Variants in COL28A1 observed in about 807,000 individuals in gnomAD.
COL28A1 encodes the protein collagen type XXVIII alpha 1 chain.
A neutral mutation model predicts 150.2 loss-of-function variants in COL28A1; 161 were observed. The ratio of observed to expected loss-of-function variants is 1.07; its 90% confidence interval spans 0.94 to 1.22. The LOEUF (loss-of-function observed/expected upper bound fraction) is 1.22, where lower values mean the gene tolerates loss of function less well. Among genes scored for constraint, COL28A1 ranks in the 50% most tolerant of loss-of-function variants. The pLI is 0.00. For missense variants in COL28A1, 1,617 were observed against 1,388.3 expected (o/e 1.16, Z -2.62); for synonymous variants, 552 against 469.7 (o/e 1.18, Z -2.26).
intron 27 of COL28A1, among the ~76,000 whole-genome samples, chr7:7,404,255 A>C (rs1783377833): frequency 6.6e-6 from 1 of 152,010 alleles, no homozygotes. Flanking sequence ...TACCCCTCAG[A>C]GGTCAAGGAG....
At chr7:7,360,183 C>T (rs140951245) in intron 34 of COL28A1, among the ~76,000 whole-genome samples, 1 of 151,714 alleles carries the variant, frequency 6.6e-6, no homozygotes, top group African/African-American at 2.4e-5. Context: ...ATTTACTCCA[C>T]AGTTTTCAAA....
chr7:7,524,974 A>C (rs1344409424), intron 3 of COL28A1, among the ~76,000 whole-genome samples: 1 of 152,226 alleles, frequency 6.6e-6, no homozygotes, highest in Non-Finnish European at 1.5e-5. Context: ...TTTTGGTAAA[A>C]ATTTTGAACT....
At chr7:7,404,270 T>C (rs1291529608) in intron 27 of COL28A1, among the ~76,000 whole-genome samples, 1 of 152,024 alleles carries the variant, frequency 6.6e-6, no homozygotes, top group Non-Finnish European at 1.5e-5. Context: ...AAGGAGCTTA[T>C]ATGTGGTCTG....
At chr7:7,523,228 G>A (rs1472831010) in intron 4 of COL28A1, among the ~76,000 whole-genome samples, 1 of 150,276 alleles carries the variant, frequency 6.7e-6, no homozygotes, top group African/African-American at 2.5e-5. Context: ...AGCAATCTTG[G>A]CTCACTGCAA....
chr7:7,495,608 G>A (rs1336985843), intron 11 of COL28A1, among the ~76,000 whole-genome samples: 1 of 152,062 alleles, frequency 6.6e-6, no homozygotes, highest in African/African-American at 2.4e-5. Context: ...GGTCATTCAT[G>A]ACACCTCCCA....
At chr7:7,378,321 G>A (rs1482745996) in intron 30 of COL28A1, among the ~76,000 whole-genome samples, 2 of 152,018 alleles carry the variant, frequency 1.3e-5, no homozygotes, top group African/African-American at 4.8e-5. Flanking sequence ...TTCACTATAT[G>A]CTTTCACTGT....
Position 7,419,839 on chromosome 7 carries a change from CTGA to C in COL28A1, c.2067+43_2067+45del, listed in dbSNP as rs545853754. On this transcript the variant is annotated intron_variant, in intron 26 of 34. Coordinates refer to ENST00000399429, the MANE Select transcript of COL28A1 (RefSeq NM_001037763.3). The stretch of plus-strand genomic sequence containing the variant: ...GAAGTTACTGTTCACTTGTTTGTCA[CTGA>C]TGATATCTGACCCTCACACAAAGCA... The C allele has an allele frequency of 1.4e-4, 171 of 1,259,694 alleles. 1 individual carries two copies. In the African/African-American group the frequency reaches 2.5e-3, roughly 18 times the overall value. 78.0% of individuals were successfully genotyped at this position (1,259,694 alleles called of 1,614,324 possible). A position where few individuals can be genotyped will look rare whatever the true frequency, so the allele number is the denominator to read the frequency against.
At chr7:7,432,607 G>A (rs1785052974) in intron 24 of COL28A1, 25 bp downstream of exon 24, 1 of 1,613,036 alleles carries the variant, frequency 6.2e-7, no homozygotes, top group Admixed American at 1.7e-5. Context: ...AAAGGAGGGA[G>A]GGAAGAAAAA....
chr7:7,389,703 G>A (rs1782417081), intron 27 of COL28A1, among the ~76,000 whole-genome samples: 1 of 152,084 alleles, frequency 6.6e-6, no homozygotes, highest in Non-Finnish European at 1.5e-5. Flanking sequence ...TCCTTGAAGA[G>A]GTCCTTTACA....
chr7:7,419,982 C>A, intron 25 of COL28A1, 29 bp from the exon 26 acceptor site: 1 of 1,491,454 alleles, frequency 6.7e-7, no homozygotes, highest in Admixed American at 2.2e-5. Context: ...TAACAAGTTA[C>A]TAATTTTTTA....
rs74375696 is a variant in COL28A1 at position 7,443,238 on chromosome 7, T to A, written c.1650+347A>T. Among the ~76,000 whole-genome samples, 824 of 152,284 alleles carry A rather than the reference T, an allele frequency of 5.4e-3. 10 individuals carry two copies. Among genetic ancestry groups the A allele is most frequent in the African/African-American group, 0.019 (792 of 41,554 alleles). ...CCATTCAATAAAGTGATATTTCTTATTGCATGAGATTTTATAAAGAAAATT... is the reference window on the plus strand; with the variant it reads ...CCATTCAATAAAGTGATATTTCTTAATGCATGAGATTTTATAAAGAAAATT... On this transcript the variant is annotated intron_variant, in intron 20 of 34. Coordinates refer to ENST00000399429, the MANE Select transcript of COL28A1 (RefSeq NM_001037763.3).
Position 7,431,750 on chromosome 7 carries a change from T to C in COL28A1, c.1998+723A>G, listed in dbSNP as rs1189275133. 26 of 370,254 alleles carry C rather than the reference T, an allele frequency of 7.0e-5. No homozygotes were observed. The Admixed American group carries it at 7.7e-4, about 11-fold the overall frequency. The allele number at this position is 370,254 out of a possible 1,614,324, so 22.9% of individuals were successfully genotyped here. A position where few individuals can be genotyped will look rare whatever the true frequency, so the allele number is the denominator to read the frequency against. ...CTGCTAAGTTATAGGAGGACAGAGG[T>C]GGAACAGAGGGAAGACCAATGAAGA... On this transcript the variant is annotated intron_variant, in intron 25 of 34. Transcript: ENST00000399429.
rs577347880 is a variant in COL28A1, at chr7:7,444,911, G to C, written c.1510-422C>G. 4.6e-5 allele frequency among the ~76,000 whole-genome samples: 7 copies of C among 152,238 alleles called. No homozygotes were observed. The South Asian group carries it at 8.3e-4, about 18-fold the overall frequency. ...AGGAGGGGCCTGGTAGGAGGTGATT[G>C]AGTTATGGGGGTGGACCTCCCCCTT... On this transcript the variant is annotated intron_variant, in intron 18 of 34. Transcript: ENST00000399429.
chr7:7,390,779 A>C (rs1583275463), intron 27 of COL28A1, among the ~76,000 whole-genome samples: 1 of 152,314 alleles, frequency 6.6e-6, no homozygotes, highest in Non-Finnish European at 1.5e-5. Context: ...TTATTTGCAT[A>C]GAGGTATTTA....
chr7:7,430,160 T>G (rs1784881935), intron 25 of COL28A1, among the ~76,000 whole-genome samples: 3 of 152,298 alleles, frequency 2.0e-5, no homozygotes, highest in South Asian at 4.1e-4. Context: ...GGAGTTTCGC[T>G]CTGTCGCCCA....
chr7:7,427,737 A>G (rs1441187125), intron 25 of COL28A1, among the ~76,000 whole-genome samples: 2 of 152,218 alleles, frequency 1.3e-5, no homozygotes, highest in African/African-American at 2.4e-5. Flanking sequence ...ACTGAAAAAT[A>G]TTTAACTCTT....
chr7:7,542,441 G>C, the COL28A1 span, among the ~76,000 whole-genome samples: 3 of 152,208 alleles, frequency 2.0e-5, no homozygotes, highest in Non-Finnish European at 1.5e-5. Flanking sequence ...AATCTGGGTG[G>C]CAGGTAATGG....
rs143966646 is a variant in COL28A1, at chr7:7,486,378, C to A, written c.1164+3011G>T. On this transcript the variant is annotated intron_variant, in intron 13 of 34. Transcript: ENST00000399429. ...GGGTTTTCTATGGAGGCCATCATAT[C>A]ATCTGCAAATAAGGATAGTTTTATT... 1.7e-3 allele frequency among the ~76,000 whole-genome samples: 263 copies of A among 152,252 alleles called. 2 individuals are homozygous for A. The highest frequency in any genetic ancestry group is 5.9e-3 in the African/African-American group (244 of 41,552).
intron 15 of COL28A1, among the ~76,000 whole-genome samples, chr7:7,462,633 T>G (rs1221508333): frequency 6.6e-6 from 1 of 152,148 alleles, no homozygotes; most frequent in Non-Finnish European, 1.5e-5. Flanking sequence ...CCGAGGCAGA[T>G]GGACTACCTG....
Sources: allele counts gnomAD v4.1 joint callset (sites outside exome capture counted in the v4.1 genomes callset), GRCh38; gene constraint gnomAD v4.1.1; transcripts MANE v1.5; gene names NCBI Gene and HGNC (gene_info 2026-07-23, HGNC 2026-07-21).